The following SLC45A2 variants were observed in gnomAD, a reference collection of about 807,000 sequenced individuals.
SLC45A2 encodes solute carrier family 45 member 2, also known as membrane-associated transporter protein.
A neutral mutation model predicts 45.5 loss-of-function variants in SLC45A2; 36 were observed. That is an observed-to-expected ratio of 0.79 (90% confidence interval 0.61 to 1.04). SLC45A2 has a LOEUF of 1.04. Ranked by LOEUF, SLC45A2 falls within the 50% of genes least tolerant of loss-of-function variation. The probability of loss-of-function intolerance (pLI) is 0.00; values close to 1 mark genes in which losing one functional copy is unlikely to be tolerated. For missense variants in SLC45A2, 719 were observed against 671.0 expected (o/e 1.07, Z -0.79); for synonymous variants, 306 against 269.3 (o/e 1.14, Z -1.33).
chr5:33,959,610 A>G (rs1395958325), intron 3 of SLC45A2, among the ~76,000 whole-genome samples: 3 of 152,176 alleles, frequency 2.0e-5, no homozygotes, highest in Non-Finnish European at 2.9e-5. Context: ...TCATCCTAAA[A>G]TAGGAGCTAC....
chr5:33,972,347 T>G, intron 2 of SLC45A2: 1 of 377,678 alleles, frequency 2.6e-6, no homozygotes, highest in Non-Finnish European at 5.4e-6. Flanking sequence ...GAAGATTAGA[T>G]AGAAAAAAAT....
At chr5:33,977,400 C>A (rs1752960080) in intron 2 of SLC45A2, among the ~76,000 whole-genome samples, 1 of 152,214 alleles carries the variant, frequency 6.6e-6, no homozygotes, top group Non-Finnish European at 1.5e-5. Flanking sequence ...ATCTACCTCA[C>A]TGGCACCTTC....
chr5:33,973,477 G>T (rs978493798), intron 2 of SLC45A2, among the ~76,000 whole-genome samples: 1 of 152,144 alleles, frequency 6.6e-6, no homozygotes, highest in Non-Finnish European at 1.5e-5. Context: ...AAGAGAAAAG[G>T]TTAAAACAGT....
intron 2 of SLC45A2, among the ~76,000 whole-genome samples, chr5:33,964,953 AG>A (rs1338988473): frequency 6.6e-6 from 1 of 152,076 alleles, no homozygotes; most frequent in Non-Finnish European, 1.5e-5. Context: ...ATGGTTGGGG[AG>A]GGGGCAGTGG....
chr5:33,974,807 T>A (rs762199601), intron 2 of SLC45A2, among the ~76,000 whole-genome samples: 1 of 152,128 alleles, frequency 6.6e-6, no homozygotes, highest in Non-Finnish European at 1.5e-5. Context: ...AAGAGAGAGA[T>A]TGCAAGAAAG....
intron 2 of SLC45A2, among the ~76,000 whole-genome samples, chr5:33,974,803 G>C (rs1227267008): frequency 1.3e-5 from 2 of 152,200 alleles, no homozygotes; most frequent in African/African-American, 4.8e-5. Context: ...GAGAAAGAGA[G>C]AGATTGCAAG....
chr5:33,968,484 G>T (rs1226270825), intron 2 of SLC45A2, among the ~76,000 whole-genome samples: 1 of 152,180 alleles, frequency 6.6e-6, no homozygotes, highest in Non-Finnish European at 1.5e-5. Flanking sequence ...TGGTCCAGCT[G>T]GCCCCTTCCT....
intron 2 of SLC45A2, among the ~76,000 whole-genome samples, chr5:33,971,650 C>T (rs1023125452): frequency 2.0e-5 from 3 of 152,006 alleles, no homozygotes; most frequent in East Asian, 1.9e-4. Context: ...TATTTTGAGA[C>T]GGAGTCTCAT....
At chr5:33,970,936 T>A (rs1461164171) in intron 2 of SLC45A2, 1 of 431,100 alleles carries the variant, frequency 2.3e-6, no homozygotes, top group East Asian at 6.7e-5. Context: ...ATGGGCACCA[T>A]CTTAAGGAGC....
chr5:33,946,376 C>A, intron 6 of SLC45A2: 3 of 985,452 alleles, frequency 3.0e-6, no homozygotes, highest in Non-Finnish European at 3.6e-6. Context: ...AGTGTTTTTG[C>A]AGTTTCATGC....
At chr5:33,974,017 G>A (rs1217478228) in intron 2 of SLC45A2, among the ~76,000 whole-genome samples, 3 of 152,160 alleles carry the variant, frequency 2.0e-5, no homozygotes, top group South Asian at 4.1e-4. Context: ...CCAGCCTCCC[G>A]CCAAGCAAGA....
intron 6 of SLC45A2, chr5:33,946,702 C>T (rs1751940419): frequency 1.9e-6 from 2 of 1,052,142 alleles, no homozygotes; most frequent in Non-Finnish European, 2.3e-6. Context: ...CTTTCCTACC[C>T]TCAGCAAATA....
intron 5 of SLC45A2, among the ~76,000 whole-genome samples, chr5:33,950,022 TAA>T (rs577188683): frequency 6.7e-6 from 1 of 150,222 alleles, no homozygotes. Flanking sequence ...ACCCCATCTC[TAA>T]AAAAAAAATT....
Position 33,967,783 on chromosome 5 carries a change from GACACACACACACACACACACACACACAC to G in SLC45A2, c.563-3795_563-3768del, listed in dbSNP as rs10529094. On this transcript the variant is annotated intron_variant, in intron 2 of 6. Coordinates refer to ENST00000296589, the MANE Select transcript of SLC45A2 (RefSeq NM_016180.5). ...TAGTCTAGCATTTTTTATTTTGCTA[GACACACACACACACACACACACACACAC>G]ACACACACACACACACACATTTCCT... is the stretch of plus-strand genomic sequence containing the variant. Among the ~76,000 whole-genome samples, 3 of 147,006 alleles carry G rather than the reference GACACACACACACACACACACACACACAC, an allele frequency of 2.0e-5. No individual in the cohort carries two copies. In the East Asian group the frequency reaches 6.1e-4, roughly 30 times the overall value.
chr5:33,973,902 A>G (rs1331807232), intron 2 of SLC45A2, among the ~76,000 whole-genome samples: 2 of 139,494 alleles, frequency 1.4e-5, no homozygotes, highest in Non-Finnish European at 3.3e-5. Context: ...GAGATTTGCA[A>G]GCCTGTGAAG....
At chr5:33,972,717 T>TA (rs1752824098) in intron 2 of SLC45A2, 2 of 152,518 alleles carry the variant, frequency 1.3e-5, no homozygotes, top group South Asian at 4.1e-4. Context: ...ATGATCTCAT[T>TA]AAAAGTGTAT....
intron 3 of SLC45A2, among the ~76,000 whole-genome samples, chr5:33,959,095 G>A (rs1038038311): frequency 2.0e-5 from 3 of 151,740 alleles, no homozygotes. Context: ...AGAAATTTTG[G>A]ATGTATTGCA....
At chr5:33,956,275 T>G (rs1323399811) in intron 3 of SLC45A2, among the ~76,000 whole-genome samples, 1 of 152,088 alleles carries the variant, frequency 6.6e-6, no homozygotes, top group African/African-American at 2.4e-5. Context: ...AATGAAAATT[T>G]TAAACATGCA....
chr5:33,958,251 A>G (rs997947112), intron 3 of SLC45A2, among the ~76,000 whole-genome samples: 3 of 152,212 alleles, frequency 2.0e-5, no homozygotes, highest in Admixed American at 1.3e-4. Context: ...AACTTCTGAA[A>G]TAATTCAGCC....
Sources: gnomAD v4.1 joint callset for allele counts (sites outside exome capture counted in the v4.1 genomes callset) on GRCh38, gnomAD v4.1.1 for gene constraint, MANE v1.5 for transcripts, NCBI Gene and HGNC (gene_info 2026-07-23, HGNC 2026-07-21) for gene names.